Variants in KIF27 observed in about 807,000 individuals in gnomAD.
The protein encoded by KIF27 is kinesin-like protein KIF27.
In KIF27, 84 loss-of-function variants were observed where a neutral mutation model predicts 141.8. The ratio of observed to expected loss-of-function variants is 0.59; its 90% CI spans 0.50 to 0.71. KIF27 has a LOEUF of 0.71. Among genes scored for constraint, KIF27 ranks in the 30% least tolerant of loss-of-function variants. The probability of loss-of-function intolerance (pLI) is 0.00; values close to 1 mark genes in which losing one functional copy is unlikely to be tolerated. For missense variants in KIF27, 1,306 were observed against 1,628.4 expected (o/e 0.80, Z 3.41); for synonymous variants, 471 against 569.5 (o/e 0.83, Z 2.46).
intron 13 of KIF27, among the ~76,000 whole-genome samples, chr9:83,863,020 G>C (rs1418861983): frequency 6.6e-6 from 1 of 152,180 alleles, no homozygotes; most frequent in African/African-American, 2.4e-5. Flanking sequence ...TTTGCACACT[G>C]ATTTTGTATC....
chr9:83,897,193 C>T (rs1488756123), intron 5 of KIF27, among the ~76,000 whole-genome samples: 3 of 152,088 alleles, frequency 2.0e-5, no homozygotes, highest in East Asian at 1.9e-4. Context: ...AAGCAGAAGG[C>T]CTTGCTCTAC....
At chr9:83,889,309 T>C in intron 6 of KIF27, 56 bp from the exon 7 acceptor site, 1 of 1,494,130 alleles carries the variant, frequency 6.7e-7, no homozygotes, top group Non-Finnish European at 9.1e-7. Flanking sequence ...AAAAGTCTAA[T>C]TTTATCCTAT....
rs144388444 is a variant in KIF27, at chr9:83,920,780, C to T, written c.-88+591G>A. On this transcript the variant is annotated intron_variant, in intron 1 of 17. Coordinates refer to ENST00000297814, the MANE Select transcript of KIF27 (RefSeq NM_017576.4). Reference sequence around the variant, plus strand: ...TTTGCTCTTTATAGTCACCTGCCTCCGAGGGAGGGAGCTCTCGGGCTTGAA... The same window carrying T: ...TTTGCTCTTTATAGTCACCTGCCTCTGAGGGAGGGAGCTCTCGGGCTTGAA... 3.3e-5 allele frequency among the ~76,000 whole-genome samples: 5 copies of T among 152,158 alleles called. No individual in the cohort carries two copies. The East Asian group carries it at 7.7e-4, about 24-fold the overall frequency.
intron 8 of KIF27, among the ~76,000 whole-genome samples, chr9:83,887,837 T>C (rs1952251232): frequency 6.6e-6 from 1 of 152,064 alleles, no homozygotes; most frequent in African/African-American, 2.4e-5. Flanking sequence ...GAAATTTATT[T>C]TAGTTATACT....
At chr9:83,839,814 G>A (rs1946353498) in intron 17 of KIF27, among the ~76,000 whole-genome samples, 2 of 152,106 alleles carry the variant, frequency 1.3e-5, no homozygotes, top group Non-Finnish European at 2.9e-5. Context: ...CCTGATGGTG[G>A]CGCCTGTAAT....
At position 83,870,711 on chromosome 9, in the gene KIF27, T is replaced by TC. The variant is rs1950712410; in HGVS notation, c.2644-80_2644-79insG. 8 of 1,207,836 alleles carry TC rather than the reference T, an allele frequency of 6.6e-6. No homozygotes were observed. The East Asian group carries it at 1.3e-4, about 19-fold the overall frequency. The allele number at this position is 1,207,836 out of a possible 1,614,324, so 74.8% of individuals were successfully genotyped here. A position where few individuals can be genotyped will look rare whatever the true frequency, so the allele number is the denominator to read the frequency against. On this transcript the variant is annotated intron_variant, in intron 11 of 17. Transcript: ENST00000297814. ...TATGCTGATGACAATTATTTTCTTT[T>TC]TTTTTTTTTTTTTTTTGGAGACAAG...
Position 83,920,281 on chromosome 9 carries a change from T to C in KIF27, c.-88+1090A>G, listed in dbSNP as rs185987856. Among the ~76,000 whole-genome samples the C allele has an allele frequency of 1.7e-3, 259 of 152,248 alleles. 1 individual carries two copies. The highest frequency in any genetic ancestry group is 3.2e-3 in the Non-Finnish European group (215 of 68,024). ...ACATAGGGCTTGTAAAACATCAATA[T>C]ACAAGAAATAAAGTTTTTACACAAT... On this transcript the variant is annotated intron_variant, in intron 1 of 17. Coordinates refer to ENST00000297814, the MANE Select transcript of KIF27 (RefSeq NM_017576.4).
intron 15 of KIF27, among the ~76,000 whole-genome samples, chr9:83,851,440 C>T (rs1948572536): frequency 6.6e-6 from 1 of 152,128 alleles, no homozygotes; most frequent in South Asian, 2.1e-4. Context: ...CAGCTTCCAA[C>T]TCCTGAGATC....
At chr9:83,893,672 A>G (rs1952896424) in intron 5 of KIF27, among the ~76,000 whole-genome samples, 1 of 151,878 alleles carries the variant, frequency 6.6e-6, no homozygotes, top group Non-Finnish European at 1.5e-5. Flanking sequence ...CTAAAAATCA[A>G]TATACTAAAT....
chr9:83,907,732 A>G (rs1471642990), intron 3 of KIF27, among the ~76,000 whole-genome samples: 1 of 152,226 alleles, frequency 6.6e-6, no homozygotes, highest in East Asian at 1.9e-4. Context: ...ACAAAAATCA[A>G]AGAAAAGAAA....
chr9:83,834,373 C>T lies in KIF27; in HGVS notation c.*2628G>A, dbSNP rs1225537316. ...CATTTCCAGAATATATTATTCACGA[C>T]GTTATTTATATGTGTGTTTGCATAT... On this transcript the variant is annotated 3_prime_UTR_variant, in exon 18 of 18. Coordinates refer to ENST00000297814, the MANE Select transcript of KIF27 (RefSeq NM_017576.4). Among the ~76,000 whole-genome samples, 1 of 151,892 alleles carries T rather than the reference C, an allele frequency of 6.6e-6. No individual in the cohort carries two copies.
intron 10 of KIF27, among the ~76,000 whole-genome samples, chr9:83,882,883 A>G (rs1000460342): frequency 1.9e-4 from 29 of 152,282 alleles, no homozygotes; most frequent in African/African-American, 7.0e-4. Context: ...CTTGATGTTG[A>G]CTTGAGAAAC....
rs141479636 is a variant in KIF27, at chr9:83,872,351, T to TG, written c.2644-1720dup. ...AACAAAACAAAAGGCGCAATGTTCATGGTGCCTTCTAGGGGTTTAGAAATG... is the reference window on the plus strand; with the variant it reads ...AACAAAACAAAAGGCGCAATGTTCATGGGTGCCTTCTAGGGGTTTAGAAATG... On this transcript the variant is annotated intron_variant, in intron 11 of 17. Transcript: ENST00000297814. Among the ~76,000 whole-genome samples the TG allele has an allele frequency of 6.1e-3, 925 of 152,214 alleles. 10 individuals are homozygous for TG. The highest frequency in any genetic ancestry group is 0.019 in the African/African-American group (807 of 41,556).
chr9:83,901,044 G>A (rs1029483191), intron 4 of KIF27, among the ~76,000 whole-genome samples: 1 of 152,196 alleles, frequency 6.6e-6, no homozygotes, highest in Admixed American at 6.5e-5. Context: ...CTGCAGCCTT[G>A]AACTCCTGGG....
intron 13 of KIF27, among the ~76,000 whole-genome samples, chr9:83,865,039 T>C (rs1368112008): frequency 6.6e-6 from 1 of 152,168 alleles, no homozygotes; most frequent in African/African-American, 2.4e-5. Context: ...TATATCTTCC[T>C]CCATCCCTTT....
In KIF27 at chr9:83,903,530, T is replaced by A; in HGVS notation, c.988A>T (p.Asn330Tyr). Residue 330 changes from asparagine to tyrosine, a missense_variant, in exon 4 of 18, where the codon AAT (asparagine) becomes TAT (tyrosine). Around this residue, in one of 4 missense-constraint regions of KIF27, gnomAD observed 533 missense variants for 565.6 expected, o/e 0.94. Coordinates refer to ENST00000297814, the MANE Select transcript of KIF27 (RefSeq NM_017576.4). The stretch of plus-strand genomic sequence containing the variant: ...GCTCTGTTGGCATATTTGAGAGAAT[T>A]TAAGGACTCATCAAAATTCGAGGAG... ...PSSSNFDESL[N>Y]SLKYANRARN... is the part of the protein sequence containing the mutation. The A allele has an allele frequency of 6.2e-7, 1 of 1,614,156 alleles. No homozygotes were observed. Among genetic ancestry groups the A allele is most frequent in the Non-Finnish European group, 8.5e-7 (1 of 1,180,006 alleles).
At chr9:83,846,654 CAGGGACCA>C (rs1338304489) in intron 16 of KIF27, among the ~76,000 whole-genome samples, 1 of 149,480 alleles carries the variant, frequency 6.7e-6, no homozygotes, top group Non-Finnish European at 1.5e-5. Flanking sequence ...TTCACGAGTC[CAGGGACCA>C]AGGGGTGGAA....
At chr9:83,887,003 T>C in intron 9 of KIF27, 38 bp downstream of exon 9, 3 of 1,497,786 alleles carry the variant, frequency 2.0e-6, no homozygotes, top group Non-Finnish European at 2.7e-6. Context: ...TTAAGAAGTT[T>C]TCTTTCTCAT....
chr9:83,842,718 G>A (rs1946736718), intron 16 of KIF27, among the ~76,000 whole-genome samples: 2 of 152,018 alleles, frequency 1.3e-5, no homozygotes, highest in South Asian at 2.1e-4. Flanking sequence ...CGCCCGCCTC[G>A]GCCTCCCAAA....
Sources: gnomAD v4.1 joint callset for allele counts (sites outside exome capture counted in the v4.1 genomes callset) on GRCh38, gnomAD v4.1.1 for gene constraint, gnomAD v4.1.1 regional missense constraint, MANE v1.5 for transcripts, NCBI Gene and HGNC (gene_info 2026-07-23, HGNC 2026-07-21) for gene names.